B3GAT2: variants seen among roughly 807,000 people sequenced by gnomAD.
B3GAT2 encodes galactosylgalactosylxylosylprotein 3-beta-glucuronosyltransferase 2.
Under a neutral mutation model 27.8 loss-of-function variants are expected in B3GAT2, and 26 were observed. The ratio of observed to expected loss-of-function variants is 0.93; its 90% CI spans 0.68 to 1.30. The LOEUF (loss-of-function observed/expected upper bound fraction) is 1.30, where lower values mean the gene tolerates loss of function less well. Ranked by LOEUF, B3GAT2 falls within the 50% of genes most tolerant of loss-of-function variation. The pLI is 0.00. For missense variants in B3GAT2, 458 were observed against 459.0 expected, an observed-to-expected ratio of 1.00 and a Z score of 0.02; for synonymous variants, 218 against 195.1, an observed-to-expected ratio of 1.12 and a Z score of -0.98.
chr6:70,871,197 T>C (rs1302043101), intron 2 of B3GAT2, among the ~76,000 whole-genome samples: 2 of 148,030 alleles, frequency 1.4e-5, no homozygotes, highest in Non-Finnish European at 3.0e-5. Context: ...AAAAGGGATA[T>C]AGGTCTGTCT....
intron 2 of B3GAT2, among the ~76,000 whole-genome samples, chr6:70,890,407 A>G (rs1293018856): frequency 6.6e-6 from 1 of 152,038 alleles, no homozygotes; most frequent in Non-Finnish European, 1.5e-5. Context: ...GCTTTCCTAG[A>G]CTTCACCTGT....
chr6:70,956,299 G>A lies in B3GAT2; in HGVS notation c.131C>T (p.Ala44Val), dbSNP rs1214924443. 3 of 1,599,692 alleles carry A rather than the reference G, an allele frequency of 1.9e-6. No homozygotes were observed. Among genetic ancestry groups the A allele is most frequent in the South Asian group, 1.1e-5 (1 of 89,610 alleles). Residue 44 changes from alanine to valine, a missense_variant, in exon 1 of 4, where the codon GCG becomes GTG. Coordinates refer to ENST00000230053, the MANE Select transcript of B3GAT2 (RefSeq NM_080742.3). ...GAGTCGGGCGCCCCCGCGGCCCACCGCGTAGGGAGAGAAGTAGGGGCGCGG... is the reference window on the plus strand; with the variant it reads ...GAGTCGGGCGCCCCCGCGGCCCACCACGTAGGGAGAGAAGTAGGGGCGCGG... The part of the protein sequence containing the change: ...LTPRPYFSPY[A>V]VGRGGARLPL...
At chr6:70,933,844 G>A (rs1773098974) in intron 1 of B3GAT2, among the ~76,000 whole-genome samples, 1 of 152,132 alleles carries the variant, frequency 6.6e-6, no homozygotes, top group Non-Finnish European at 1.5e-5. Context: ...CCAGACTTCT[G>A]AGAGACGTAC....
In B3GAT2 at chr6:70,905,342, T is replaced by C. The variant is rs148832036; in HGVS notation, c.592-11070A>G. Among the ~76,000 whole-genome samples the C allele has an allele frequency of 3.3e-5, 5 of 152,342 alleles. No homozygotes were observed. In the East Asian group the frequency reaches 9.6e-4, roughly 29 times the overall value. On this transcript the variant is annotated intron_variant, in intron 1 of 3. Transcript: ENST00000230053. Reference sequence around the variant, plus strand: ...GTCAAATGAGCTTTGTCTATTTCACTATCCCTTGCATAGATCTGTATACTT... The same window carrying C: ...GTCAAATGAGCTTTGTCTATTTCACCATCCCTTGCATAGATCTGTATACTT...
intron 1 of B3GAT2, among the ~76,000 whole-genome samples, chr6:70,925,430 T>C (rs954580904): frequency 6.6e-6 from 1 of 152,148 alleles, no homozygotes; most frequent in Non-Finnish European, 1.5e-5. Context: ...ACCTGGAAAC[T>C]CGGGACACTC....
chr6:70,927,355 A>T (rs932049012), intron 1 of B3GAT2, among the ~76,000 whole-genome samples: 11 of 152,146 alleles, frequency 7.2e-5, no homozygotes, highest in South Asian at 4.1e-4. Flanking sequence ...ATGGGCTAAA[A>T]GCCCCAATTA....
At chr6:70,954,758 A>C (rs1765623474) in intron 1 of B3GAT2, among the ~76,000 whole-genome samples, 1 of 152,248 alleles carries the variant, frequency 6.6e-6, no homozygotes, top group South Asian at 2.1e-4. Flanking sequence ...GCGTCAAATC[A>C]ATCAAGAAGA....
intron 2 of B3GAT2, among the ~76,000 whole-genome samples, chr6:70,889,368 C>T (rs565804824): frequency 6.6e-6 from 1 of 152,078 alleles, no homozygotes; most frequent in Non-Finnish European, 1.5e-5. Flanking sequence ...TTTGCTGCCG[C>T]ATTTCTTAAG....
chr6:70,956,518 C>T lies in B3GAT2; in HGVS notation c.-89G>A, dbSNP rs1425052724. 1.3e-6 allele frequency: 2 copies of T among 1,534,102 alleles called. No homozygotes were observed. Among genetic ancestry groups the T allele is most frequent in the East Asian group, 2.4e-5 (1 of 40,858 alleles). ...AGCTTGGACAGCGGCGGCGCCAGCA[C>T]TTAGGGAGTGGTGATGGGTGCGCTG... On this transcript the variant is annotated 5_prime_UTR_variant, in exon 1 of 4. The change creates a new upstream start codon in the 5' untranslated region. Coordinates refer to ENST00000230053, the MANE Select transcript of B3GAT2 (RefSeq NM_080742.3).
chr6:70,928,400 T>C lies in B3GAT2; in HGVS notation c.591+27439A>G, dbSNP rs530827239. On this transcript the variant is annotated intron_variant, in intron 1 of 3. Coordinates refer to ENST00000230053, the MANE Select transcript of B3GAT2 (RefSeq NM_080742.3). ...TTCAAAAAATCAATGAATCTAGGAATTGGTTTTTTGAAAAGATCAACAAAA... is the reference window on the plus strand; with the variant it reads ...TTCAAAAAATCAATGAATCTAGGAACTGGTTTTTTGAAAAGATCAACAAAA... Among the ~76,000 whole-genome samples, 43 of 150,412 alleles carry C rather than the reference T, an allele frequency of 2.9e-4. 1 individual carries two copies. The South Asian group carries it at 3.0e-3, about 10-fold the overall frequency.
chr6:70,926,580 T>C (rs559942283), intron 1 of B3GAT2, among the ~76,000 whole-genome samples: 93 of 152,176 alleles, frequency 6.1e-4, no homozygotes, highest in African/African-American at 2.2e-3. Flanking sequence ...GTATCAGAGA[T>C]TGAAGATCAA....
At chr6:70,938,373 T>A (rs1765331814) in intron 1 of B3GAT2, among the ~76,000 whole-genome samples, 2 of 150,460 alleles carry the variant, frequency 1.3e-5, no homozygotes, top group Admixed American at 1.3e-4. Flanking sequence ...AAGCTACCAA[T>A]GACTTTCTTC....
At position 70,956,490 on chromosome 6, in the gene B3GAT2, C is replaced by T; in HGVS notation, c.-61G>A. On this transcript the variant is annotated 5_prime_UTR_variant, in exon 1 of 4. Transcript: ENST00000230053. ...AGGGGCGAGCCGAGGGACCCCAGTG[C>T]GCAGCTTGGACAGCGGCGGCGCCAG... 1 of 1,546,848 alleles carries T rather than the reference C, an allele frequency of 6.5e-7. No homozygotes were observed. The highest frequency in any genetic ancestry group is 2.4e-5 in the East Asian group (1 of 40,890).
At chr6:70,937,361 CA>C (rs1203371373) in intron 1 of B3GAT2, among the ~76,000 whole-genome samples, 1 of 151,210 alleles carries the variant, frequency 6.6e-6, no homozygotes, top group East Asian at 1.9e-4. Context: ...GAAACTATTC[CA>C]ATCAATAGAA....
chr6:70,876,770 T>C (rs149834391), intron 2 of B3GAT2, among the ~76,000 whole-genome samples: 1 of 152,302 alleles, frequency 6.6e-6, no homozygotes, highest in African/African-American at 2.4e-5. Context: ...CAATACTGAA[T>C]GTGGTCTCTG....
intron 1 of B3GAT2, among the ~76,000 whole-genome samples, chr6:70,923,948 C>G (rs149681982): frequency 9.3e-4 from 142 of 152,108 alleles, no homozygotes; most frequent in African/African-American, 3.3e-3. Flanking sequence ...TTAGTAGTAT[C>G]TGACATTTTT....
At chr6:70,946,167 A>C (rs1370705741) in intron 1 of B3GAT2, among the ~76,000 whole-genome samples, 1 of 152,004 alleles carries the variant, frequency 6.6e-6, no homozygotes, top group Non-Finnish European at 1.5e-5. Flanking sequence ...GCATCAACTA[A>C]CGAGCAAAAT....
In B3GAT2 at chr6:70,861,547, G is replaced by C; in HGVS notation, c.*116C>G. 3 of 854,602 alleles carry C rather than the reference G, an allele frequency of 3.5e-6. No individual in the cohort carries two copies. Among genetic ancestry groups the C allele is most frequent in the African/African-American group, 1.7e-5 (1 of 59,200 alleles). The allele number at this position is 854,602 out of a possible 1,614,324, so 52.9% of individuals were successfully genotyped here. A position where few individuals can be genotyped will look rare whatever the true frequency, so the allele number is the denominator to read the frequency against. On this transcript the variant is annotated 3_prime_UTR_variant, in exon 4 of 4. Coordinates refer to ENST00000230053, the MANE Select transcript of B3GAT2 (RefSeq NM_080742.3). Reference sequence around the variant, plus strand: ...CAGATGTCCATCAGATGACAAGAAAGGCTGCTGTACTGAAGTAAAACAAAC... The same window carrying C: ...CAGATGTCCATCAGATGACAAGAAACGCTGCTGTACTGAAGTAAAACAAAC...
At chr6:70,921,417 A>T (rs1190173672) in intron 1 of B3GAT2, among the ~76,000 whole-genome samples, 1 of 152,210 alleles carries the variant, frequency 6.6e-6, no homozygotes, top group Non-Finnish European at 1.5e-5. Context: ...TGATTGCATT[A>T]TGAAATTCTT....
Sources: gnomAD v4.1 joint callset for allele counts (sites outside exome capture counted in the v4.1 genomes callset) on GRCh38, gnomAD v4.1.1 for gene constraint, MANE v1.5 for transcripts, NCBI Gene and HGNC (gene_info 2026-07-23, HGNC 2026-07-21) for gene names.